Variants in RGS22 observed in about 807,000 individuals in gnomAD.
RGS22 encodes regulator of G-protein signaling 22.
A neutral mutation model predicts 172.9 loss-of-function variants in RGS22; 148 were observed. The observed-to-expected ratio is 0.86, with a 90% confidence interval of 0.75 to 0.98. The LOEUF (loss-of-function observed/expected upper bound fraction) is 0.98. Ranked by LOEUF, RGS22 falls within the 50% of genes least tolerant of loss-of-function variation. The pLI, the probability that RGS22 is intolerant of heterozygous loss-of-function variation, is 0.00. For missense variants in RGS22, 1,347 were observed against 1,440.8 expected, an observed-to-expected ratio of 0.93 and a Z score of 1.05; for synonymous variants, 458 against 480.2, an observed-to-expected ratio of 0.95 and a Z score of 0.60.
chr8:100,081,188 C>T lies in RGS22; in HGVS notation c.118-833G>A, dbSNP rs367816613. On this transcript the variant is annotated intron_variant, in intron 3 of 27. Transcript: ENST00000360863. ...GTAGATTAACTTATACATGCTTAGG[C>T]GAGTGGTAGAAGAAATTAAATTCTT... 6.3e-4 allele frequency among the ~76,000 whole-genome samples: 95 copies of T among 151,854 alleles called. 4 individuals are homozygous for T. Among genetic ancestry groups the T allele is most frequent in the Admixed American group, 5.9e-3 (90 of 15,230 alleles).
chr8:99,982,182 A>G (rs1812624418), intron 21 of RGS22, 66 bp from the exon 22 acceptor site: 2 of 1,227,682 alleles, frequency 1.6e-6, no homozygotes, highest in Non-Finnish European at 2.2e-6. Flanking sequence ...ATAGAACTGT[A>G]TCAATATGTG....
intron 14 of RGS22, among the ~76,000 whole-genome samples, chr8:100,018,801 T>C (rs1036012529): frequency 2.0e-5 from 3 of 152,184 alleles, no homozygotes; most frequent in African/African-American, 7.2e-5. Context: ...CATTTTGAAA[T>C]TGTGTGTTTA....
At chr8:100,096,868 G>A (rs1289955557) in intron 2 of RGS22, among the ~76,000 whole-genome samples, 2 of 151,572 alleles carry the variant, frequency 1.3e-5, no homozygotes, top group African/African-American at 4.8e-5. Flanking sequence ...ACAAGGAAGA[G>A]GAAATAAGAT....
At chr8:100,019,675 A>G (rs984406392) in intron 14 of RGS22, among the ~76,000 whole-genome samples, 3 of 152,220 alleles carry the variant, frequency 2.0e-5, no homozygotes, top group Admixed American at 2.0e-4. Flanking sequence ...AGGAGAAAAC[A>G]TTCATGCTTC....
intron 10 of RGS22, among the ~76,000 whole-genome samples, chr8:100,051,472 A>T (rs1483553154): frequency 9.9e-6 from 1 of 100,860 alleles, no homozygotes; most frequent in Non-Finnish European, 1.8e-5. Flanking sequence ...ATAAATATAT[A>T]TTATATATAT....
chr8:99,969,363 G>A (rs943920189), intron 23 of RGS22, among the ~76,000 whole-genome samples: 14 of 152,154 alleles, frequency 9.2e-5, no homozygotes, highest in African/African-American at 3.4e-4. Flanking sequence ...CTAGCATCAT[G>A]ATGACAGGAT....
chr8:99,999,293 C>T lies in RGS22; in HGVS notation c.2918G>A (p.Ser973Asn). 1 of 1,613,876 alleles carries T rather than the reference C, an allele frequency of 6.2e-7. No homozygotes were observed. Residue 973 changes from serine (S) to asparagine (N), a missense_variant, in exon 19 of 28, where the codon AGT becomes AAT. Physicochemically the swap from Ser to Asn is conservative, Grantham distance 46. Transcript: ENST00000360863. ...CTTCTGACGTGCTGCAAACTGTTCA[C>T]TTGCAAGAAACAATGGCAGCCATAC... is the stretch of plus-strand genomic sequence containing the variant. ...ENVWLPLFLASEQFAARQKIK... is the reference protein window; with the variant it reads ...ENVWLPLFLANEQFAARQKIK...
At chr8:100,093,291 T>C (rs1268996652) in intron 3 of RGS22, 156 bp downstream of exon 3, 8 of 510,132 alleles carry the variant, frequency 1.6e-5, no homozygotes, top group Non-Finnish European at 2.8e-5. Context: ...CAAATCCAAA[T>C]GATTAACTAT....
chr8:100,049,559 C>T (rs1039172859), intron 10 of RGS22, among the ~76,000 whole-genome samples: 8 of 152,192 alleles, frequency 5.3e-5, no homozygotes, highest in African/African-American at 9.7e-5. Flanking sequence ...TCATCAAGCA[C>T]GTCACTTAAT....
intron 10 of RGS22, among the ~76,000 whole-genome samples, chr8:100,048,899 G>C (rs1223620566): frequency 3.3e-5 from 5 of 152,052 alleles, no homozygotes; most frequent in African/African-American, 1.2e-4. Context: ...AAGTTCTAGA[G>C]ATCTGTTTCA....
chr8:100,100,064 G>A (rs1813341985), intron 2 of RGS22, among the ~76,000 whole-genome samples: 2 of 152,100 alleles, frequency 1.3e-5, no homozygotes, highest in African/African-American at 4.8e-5. Context: ...ATTCTATACA[G>A]TTGTCCCTTG....
chr8:99,966,222 A>C (rs1810714682), intron 23 of RGS22, among the ~76,000 whole-genome samples: 1 of 152,208 alleles, frequency 6.6e-6, no homozygotes, highest in South Asian at 2.1e-4. Flanking sequence ...GAGCTAAATG[A>C]TGGGTACACA....
chr8:100,078,084 C>A (rs184871337), intron 4 of RGS22, among the ~76,000 whole-genome samples: 15 of 152,228 alleles, frequency 9.9e-5, no homozygotes, highest in Non-Finnish European at 1.8e-4. Flanking sequence ...CTTTTAATAT[C>A]CTTTTTACTT....
In RGS22 at chr8:100,064,195, C is replaced by T. The variant is rs146307315; in HGVS notation, c.725-152G>A. On this transcript the variant is annotated intron_variant, in intron 7 of 27. Coordinates refer to ENST00000360863, the MANE Select transcript of RGS22 (RefSeq NM_015668.5). ...CTTAAGAAGGATTCTGGGCCAGTCA[C>T]GGTGGCTCACGCCTGTCATCCCAGC... is the stretch of plus-strand genomic sequence containing the variant. The T allele has an allele frequency of 3.5e-3, 1,837 of 527,856 alleles. 60 individuals carry two copies. In the Admixed American group the frequency reaches 0.058, roughly 17 times the overall value. The allele number at this position is 527,856 out of a possible 1,614,324, so 32.7% of individuals were successfully genotyped here.
intron 3 of RGS22, among the ~76,000 whole-genome samples, chr8:100,090,945 A>G (rs932541144): frequency 3.9e-5 from 6 of 152,162 alleles, no homozygotes; most frequent in African/African-American, 7.2e-5. Context: ...GATTCAATTT[A>G]TTATTTTTAT....
At chr8:100,022,886 C>T (rs2131469615) in intron 14 of RGS22, among the ~76,000 whole-genome samples, 1 of 152,212 alleles carries the variant, frequency 6.6e-6, no homozygotes, top group Middle Eastern at 3.4e-3. Flanking sequence ...CACCACCAAA[C>T]CAGGCTAATT....
At chr8:100,043,540 C>A (rs1820374360) in intron 11 of RGS22, among the ~76,000 whole-genome samples, 1 of 152,104 alleles carries the variant, frequency 6.6e-6, no homozygotes. Context: ...ACTTGGGAGG[C>A]TGAGGTAGGT....
chr8:100,088,253 C>T (rs1202794705), intron 3 of RGS22, among the ~76,000 whole-genome samples: 1 of 152,142 alleles, frequency 6.6e-6, no homozygotes, highest in Non-Finnish European at 1.5e-5. Flanking sequence ...TAAGCATGGT[C>T]TGGCAAACAC....
At chr8:100,088,222 A>C (rs183340168) in intron 3 of RGS22, among the ~76,000 whole-genome samples, 13 of 152,320 alleles carry the variant, frequency 8.5e-5, no homozygotes, top group African/African-American at 3.1e-4. Flanking sequence ...AAGTTATGGT[A>C]AAATTTCAAC....
Sources: gnomAD v4.1 joint callset for allele counts (sites outside exome capture counted in the v4.1 genomes callset) on GRCh38, gnomAD v4.1.1 for gene constraint, MANE v1.5 for transcripts, NCBI Gene and HGNC (gene_info 2026-07-23, HGNC 2026-07-21) for gene names.